The following WASL variants were observed in gnomAD, a reference collection of about 807,000 sequenced individuals.
The protein encoded by WASL is actin nucleation-promoting factor WASL.
A neutral mutation model predicts 55.5 loss-of-function variants in WASL; 20 were observed. That is an observed-to-expected ratio of 0.36 (90% confidence interval 0.25 to 0.52). WASL has a LOEUF of 0.52. WASL is among the 20% of genes least tolerant of loss of function. The probability of loss-of-function intolerance (pLI) is 0.92; values close to 1 mark genes in which losing one functional copy is unlikely to be tolerated. For missense variants in WASL, 504 were observed against 622.5 expected, an observed-to-expected ratio of 0.81 and a Z score of 2.03; for synonymous variants, 249 against 217.6, an observed-to-expected ratio of 1.14 and a Z score of -1.27.
chr7:123,736,687 A>G (rs778864034), intron 1 of WASL, among the ~76,000 whole-genome samples: 22 of 152,204 alleles, frequency 1.4e-4, no homozygotes, highest in Admixed American at 2.6e-4. Context: ...AAAAAATGTT[A>G]AAGAAATGGG....
chr7:123,733,694 AC>A (rs2116818219), intron 1 of WASL, among the ~76,000 whole-genome samples: 2 of 152,254 alleles, frequency 1.3e-5, no homozygotes, highest in Admixed American at 1.3e-4. Flanking sequence ...ACATCAGAGG[AC>A]TGACACTACC....
At chr7:123,706,662 G>C in intron 3 of WASL, 78 bp downstream of exon 3, 4 of 1,087,672 alleles carry the variant, frequency 3.7e-6, no homozygotes, top group Non-Finnish European at 5.4e-6. Context: ...CTTTCAATAA[G>C]GTTCTATAAA....
At chr7:123,698,058 G>GTT (rs1006562691) in intron 5 of WASL, among the ~76,000 whole-genome samples, 4 of 144,840 alleles carry the variant, frequency 2.8e-5, no homozygotes, top group African/African-American at 1.0e-4. Context: ...CTTGTGTGTG[G>GTT]TTTTTTTTTT....
chr7:123,743,730 T>C (rs1804386278), intron 1 of WASL, among the ~76,000 whole-genome samples: 1 of 152,174 alleles, frequency 6.6e-6, no homozygotes, highest in African/African-American at 2.4e-5. Context: ...TCTAAGTATT[T>C]TCCATAATGA....
intron 1 of WASL, among the ~76,000 whole-genome samples, chr7:123,726,368 AAC>A (rs1314937791): frequency 6.6e-6 from 1 of 152,232 alleles, no homozygotes; most frequent in African/African-American, 2.4e-5. Flanking sequence ...CACTTTATAT[AAC>A]ACAAAAAATT....
At position 123,721,316 on chromosome 7, in the gene WASL, G is replaced by A. The variant is rs1324207505; in HGVS notation, c.118-12093C>T. ...ATAAATAAGCACTTTTAGTTTGCTT[G>A]ACTGACATGTACAATCAAGGTGGGC... On this transcript the variant is annotated intron_variant, in intron 1 of 10. Coordinates refer to ENST00000223023, the MANE Select transcript of WASL (RefSeq NM_003941.4). Among the ~76,000 whole-genome samples, 7 of 4,716 alleles carry A rather than the reference G, an allele frequency of 1.5e-3. No homozygotes were observed. The Admixed American group carries it at 0.035, about 24-fold the overall frequency. 3.1% of individuals were successfully genotyped at this position (4,716 alleles called of 152,430 possible).
At chr7:123,736,861 T>C (rs75504004) in intron 1 of WASL, among the ~76,000 whole-genome samples, 1,576 of 152,198 alleles carry the variant, frequency 0.01, 10 homozygotes, top group Admixed American at 0.021. Flanking sequence ...TGGTAAAGGA[T>C]AAAGCCTTAG....
At chr7:123,746,429 T>A (rs889203587) in intron 1 of WASL, among the ~76,000 whole-genome samples, 2 of 152,218 alleles carry the variant, frequency 1.3e-5, no homozygotes, top group African/African-American at 4.8e-5. Flanking sequence ...ACTGCTGGAT[T>A]TATTATGAGA....
Position 123,696,575 on chromosome 7 carries a change from T to C in WASL, c.629+4A>G, listed in dbSNP as rs777388638. 3.8e-6 allele frequency: 6 copies of C among 1,568,854 alleles called. No individual in the cohort carries two copies. The highest frequency in any genetic ancestry group is 5.2e-6 in the Non-Finnish European group (6 of 1,160,080). ...AGATAAGAACAACAAAAGAACTGTCTTACTGGAAATTGCTTGGTGTTCCTA... is the reference window on the plus strand; with the variant it reads ...AGATAAGAACAACAAAAGAACTGTCCTACTGGAAATTGCTTGGTGTTCCTA... On this transcript the variant is annotated splice_donor_region_variant and intron_variant, in intron 6 of 10. Transcript: ENST00000223023.
At chr7:123,741,700 G>A in intron 1 of WASL, among the ~76,000 whole-genome samples, 1 of 152,096 alleles carries the variant, frequency 6.6e-6, no homozygotes. Context: ...TGAAATACAT[G>A]AGATTACTAC....
chr7:123,721,797 C>T (rs1209215927), intron 1 of WASL, among the ~76,000 whole-genome samples: 2 of 152,072 alleles, frequency 1.3e-5, no homozygotes, highest in Admixed American at 6.6e-5. Flanking sequence ...CCTGTAGTCC[C>T]AGTCCCAGCT....
At chr7:123,694,944 C>T in intron 7 of WASL, 76 bp from the exon 8 acceptor site, 1 of 1,460,104 alleles carries the variant, frequency 6.8e-7, no homozygotes, top group Non-Finnish European at 9.2e-7. Flanking sequence ...TCATCTGTGT[C>T]CTTCTGAAAT....
At chr7:123,732,887 A>AAAGTCAACTAATAT (rs1804164164) in intron 1 of WASL, among the ~76,000 whole-genome samples, 1 of 152,238 alleles carries the variant, frequency 6.6e-6, no homozygotes, top group Admixed American at 6.5e-5. Context: ...TCAACACTCA[A>AAAGTCAACTAATAT]AAGTCAACTA....
At chr7:123,734,892 G>A (rs1804199961) in intron 1 of WASL, among the ~76,000 whole-genome samples, 1 of 152,028 alleles carries the variant, frequency 6.6e-6, no homozygotes, top group Non-Finnish European at 1.5e-5. Context: ...GAAGAGTAGG[G>A]AAGGAGACAG....
intron 1 of WASL, among the ~76,000 whole-genome samples, chr7:123,727,813 T>C (rs909597976): frequency 6.6e-6 from 1 of 152,190 alleles, no homozygotes; most frequent in Admixed American, 6.5e-5. Flanking sequence ...TTATTATACA[T>C]AAATTATACC....
At chr7:123,748,480 G>A in intron 1 of WASL, 138 bp downstream of exon 1, 7 of 756,968 alleles carry the variant, frequency 9.2e-6, no homozygotes, top group Non-Finnish European at 1.3e-5. Context: ...GCCGACGAGG[G>A]GCCGGGGCCG....
Position 123,733,946 on chromosome 7 carries a change from C to T in WASL, c.117+14672G>A, listed in dbSNP as rs956571958. Among the ~76,000 whole-genome samples the T allele has an allele frequency of 4.0e-5, 6 of 148,172 alleles. 1 individual carries two copies. The highest frequency in any genetic ancestry group is 2.0e-4 in the Admixed American group (3 of 14,938). The stretch of plus-strand genomic sequence containing the variant: ...AAAAAAAAAAAAAATCAAATCCAGG[C>T]ACTGACCTTATGACTTACACAGAAA... On this transcript the variant is annotated intron_variant, in intron 1 of 10. Coordinates refer to ENST00000223023, the MANE Select transcript of WASL (RefSeq NM_003941.4).
chr7:123,726,373 A>C (rs1469893577), intron 1 of WASL, among the ~76,000 whole-genome samples: 1 of 152,228 alleles, frequency 6.6e-6, no homozygotes, highest in Non-Finnish European at 1.5e-5. Context: ...TATATAACAC[A>C]AAAAATTTGA....
chr7:123,715,218 TGAA>T (rs1375078708), intron 1 of WASL, among the ~76,000 whole-genome samples: 1 of 152,182 alleles, frequency 6.6e-6, no homozygotes, highest in Non-Finnish European at 1.5e-5. Context: ...CTTGTTTTGA[TGAA>T]GAAGACACTG....
Sources: allele counts gnomAD v4.1 joint callset (sites outside exome capture counted in the v4.1 genomes callset), GRCh38; gene constraint gnomAD v4.1.1; transcripts MANE v1.5; gene names NCBI Gene and HGNC (gene_info 2026-07-23, HGNC 2026-07-21).